Variants in CAMTA1 observed in about 807,000 individuals in gnomAD.
The protein encoded by CAMTA1 is calmodulin binding transcription activator 1, also known as calmodulin-binding transcription activator 1.
CAMTA1 carries 27 observed loss-of-function variants against 170.9 expected under a neutral mutation model. The observed-to-expected ratio is 0.16, with a 90% CI of 0.12 to 0.22. CAMTA1 has a LOEUF of 0.22. Among genes scored for constraint, CAMTA1 ranks in the 10% least tolerant of loss-of-function variants. The pLI is 1.00. For synonymous variants in CAMTA1, 833 were observed against 891.5 expected, an observed-to-expected ratio of 0.93 and a Z score of 1.17; for missense variants, 1,619 against 2,217.2, an observed-to-expected ratio of 0.73 and a Z score of 5.42.
chr1:7,125,737 G>A (rs758255758), intron 4 of CAMTA1, among the ~76,000 whole-genome samples: 3 of 152,148 alleles, frequency 2.0e-5, no homozygotes, highest in Non-Finnish European at 4.4e-5. Context: ...AGGGGCTGAA[G>A]GTTGAGGGAA....
intron 4 of CAMTA1, among the ~76,000 whole-genome samples, chr1:7,103,948 CACGT>C (rs1402226842): frequency 6.7e-6 from 1 of 149,266 alleles, no homozygotes; most frequent in Admixed American, 6.7e-5. Context: ...ATACAGCACA[CACGT>C]ACATACAACT....
chr1:7,351,513 G>A (rs973693123), intron 5 of CAMTA1, among the ~76,000 whole-genome samples: 7 of 152,186 alleles, frequency 4.6e-5, no homozygotes, highest in Admixed American at 1.3e-4. Context: ...GCAGCAGGTC[G>A]GGGGACCTCT....
intron 5 of CAMTA1, among the ~76,000 whole-genome samples, chr1:7,297,894 G>C (rs904346582): frequency 6.6e-6 from 1 of 152,132 alleles, no homozygotes; most frequent in Admixed American, 6.6e-5. Context: ...ACAGCAGGAG[G>C]GCAAATCCAA....
At position 7,195,871 on chromosome 1, in the gene CAMTA1, T is replaced by G. The variant is rs550553054; in HGVS notation, c.303-53620T>G. Among the ~76,000 whole-genome samples, 15 of 152,076 alleles carry G rather than the reference T, an allele frequency of 9.9e-5. No individual in the cohort carries two copies. The South Asian group carries it at 2.3e-3, about 23-fold the overall frequency. On this transcript the variant is annotated intron_variant, in intron 4 of 22. Coordinates refer to ENST00000303635, the MANE Select transcript of CAMTA1 (RefSeq NM_015215.4). This position sits in a 1 kb window ranked among gnomAD's most constrained non-coding sequence, Gnocchi z 4.1. Reference sequence around the variant, plus strand: ...CCGTCTCTACTAAGAATACAAAAATTAGCCAGGCATGGTGGCACATGCCTG... The same window carrying G: ...CCGTCTCTACTAAGAATACAAAAATGAGCCAGGCATGGTGGCACATGCCTG...
At chr1:7,659,266 G>A (rs907296906) in intron 7 of CAMTA1, among the ~76,000 whole-genome samples, 4 of 152,200 alleles carry the variant, frequency 2.6e-5, no homozygotes, top group Non-Finnish European at 4.4e-5. Context: ...TGGGCGTGGT[G>A]GCTCACGCCT....
intron 11 of CAMTA1, among the ~76,000 whole-genome samples, chr1:7,679,876 C>A (rs1467147658): frequency 6.6e-6 from 1 of 152,258 alleles, no homozygotes; most frequent in African/African-American, 2.4e-5. Flanking sequence ...GGACGCTTTC[C>A]TTTGGTCTGG....
intron 5 of CAMTA1, among the ~76,000 whole-genome samples, chr1:7,382,036 A>G (rs1227396428): frequency 2.0e-5 from 3 of 152,216 alleles, no homozygotes; most frequent in African/African-American, 7.2e-5. Flanking sequence ...CCTTCACCTC[A>G]TGGCACAAAA....
At chr1:7,625,056 G>C (rs2150801241) in intron 6 of CAMTA1, among the ~76,000 whole-genome samples, 1 of 152,312 alleles carries the variant, frequency 6.6e-6, no homozygotes, top group South Asian at 2.1e-4. Context: ...GGGTGCATGG[G>C]AGGTGGATCC....
chr1:7,451,797 G>A (rs2092831229), intron 5 of CAMTA1, among the ~76,000 whole-genome samples: 3 of 152,156 alleles, frequency 2.0e-5, no homozygotes, highest in African/African-American at 7.2e-5. Context: ...TTGGCTCCCT[G>A]CCCTCAGCTC....
intron 2 of CAMTA1, among the ~76,000 whole-genome samples, chr1:6,823,880 A>G (rs920755001): frequency 2.6e-5 from 4 of 152,226 alleles, no homozygotes; most frequent in Non-Finnish European, 5.9e-5. Flanking sequence ...TGTAAGGCCT[A>G]TTAAGTTATT....
At chr1:7,208,383 C>T (rs1037440357) in intron 4 of CAMTA1, among the ~76,000 whole-genome samples, 9 of 152,232 alleles carry the variant, frequency 5.9e-5, no homozygotes, top group Non-Finnish European at 1.2e-4. Context: ...CAAAGAGCCT[C>T]TTTCTCCCTT....
intron 3 of CAMTA1, among the ~76,000 whole-genome samples, chr1:6,999,010 A>G (rs1239594792): frequency 6.6e-6 from 1 of 152,194 alleles, no homozygotes; most frequent in Non-Finnish European, 1.5e-5. Context: ...TGCAGCCATC[A>G]TAGTCTCCAG....
intron 6 of CAMTA1, among the ~76,000 whole-genome samples, chr1:7,630,827 T>C (rs1444507389): frequency 1.3e-5 from 2 of 152,206 alleles, no homozygotes; most frequent in African/African-American, 4.8e-5. Context: ...TCTGTGTGCC[T>C]GCCACACTCG....
At chr1:6,917,973 G>A (rs1681203827) in intron 3 of CAMTA1, among the ~76,000 whole-genome samples, 1 of 152,150 alleles carries the variant, frequency 6.6e-6, no homozygotes, top group Admixed American at 6.5e-5. Flanking sequence ...CCAAGGTGGA[G>A]AGGCAAGAGG....
At chr1:6,947,888 G>A (rs1352012051) in intron 3 of CAMTA1, among the ~76,000 whole-genome samples, 1 of 151,896 alleles carries the variant, frequency 6.6e-6, no homozygotes, top group Non-Finnish European at 1.5e-5. Context: ...TGCAACCTTG[G>A]TGAACTTGTT....
intron 5 of CAMTA1, among the ~76,000 whole-genome samples, chr1:7,392,779 C>A (rs2088867485): frequency 6.6e-6 from 1 of 151,970 alleles, no homozygotes; most frequent in Non-Finnish European, 1.5e-5. Context: ...GAGGCTGAGG[C>A]ATGAGAATTG....
intron 5 of CAMTA1, among the ~76,000 whole-genome samples, chr1:7,316,396 A>G (rs749698515): frequency 5.9e-5 from 9 of 152,206 alleles, no homozygotes; most frequent in Non-Finnish European, 1.3e-4. Context: ...CTGGGTGAAC[A>G]TAGATTTTGG....
chr1:7,728,392 G>A (rs2096707235), intron 11 of CAMTA1, among the ~76,000 whole-genome samples: 1 of 152,266 alleles, frequency 6.6e-6, no homozygotes, highest in African/African-American at 2.4e-5. Flanking sequence ...GCTGACCACA[G>A]CTCAGAGAGC....
At chr1:7,029,170 C>T (rs899510143) in intron 3 of CAMTA1, among the ~76,000 whole-genome samples, 1 of 152,150 alleles carries the variant, frequency 6.6e-6, no homozygotes, top group Non-Finnish European at 1.5e-5. Flanking sequence ...TGTGAGCCTT[C>T]ATTGCTCTTA....
Sources: gnomAD v4.1 joint callset for allele counts (sites outside exome capture counted in the v4.1 genomes callset) on GRCh38, gnomAD v4.1.1 for gene constraint, Gnocchi (gnomAD v3.1) non-coding constraint, MANE v1.5 for transcripts, NCBI Gene and HGNC (gene_info 2026-07-23, HGNC 2026-07-21) for gene names.